MAP2K6: variants seen among roughly 807,000 people sequenced by gnomAD.
MAP2K6 encodes dual specificity mitogen-activated protein kinase kinase 6.
Under a neutral mutation model 53.7 loss-of-function variants are expected in MAP2K6, and 16 were observed. The ratio of observed to expected loss-of-function variants is 0.30; its 90% CI spans 0.20 to 0.45. MAP2K6 has a LOEUF of 0.45. MAP2K6 is among the 20% of genes least tolerant of loss of function. The pLI is 1.00. For missense variants in MAP2K6, 204 were observed against 411.9 expected (o/e 0.50, Z 4.37); for synonymous variants, 132 against 143.1 (o/e 0.92, Z 0.55).
At chr17:69,519,158 A>G (rs1910334336) in intron 4 of MAP2K6, among the ~76,000 whole-genome samples, 155 bp from the exon 5 acceptor site, 1 of 152,212 alleles carries the variant, frequency 6.6e-6, no homozygotes, top group Non-Finnish European at 1.5e-5. Context: ...CCTTATTTTC[A>G]TGTGTTACAA....
chr17:69,429,385 G>A (rs1378818682), intron 1 of MAP2K6, among the ~76,000 whole-genome samples: 1 of 151,832 alleles, frequency 6.6e-6, no homozygotes, highest in African/African-American at 2.4e-5. Context: ...AGGAGTTCAA[G>A]TTTGCAGTGA....
chr17:69,429,603 G>A (rs1906390719), intron 1 of MAP2K6, among the ~76,000 whole-genome samples: 1 of 152,164 alleles, frequency 6.6e-6, no homozygotes, highest in South Asian at 2.1e-4. Context: ...ATATTTCCTA[G>A]AGCTAATATG....
chr17:69,468,503 T>G (rs1013209015), intron 1 of MAP2K6, among the ~76,000 whole-genome samples: 2 of 152,216 alleles, frequency 1.3e-5, no homozygotes, highest in Admixed American at 1.3e-4. Flanking sequence ...CAAACATAAC[T>G]AATGTGTTTA....
chr17:69,535,356 G>C (rs1911300412), intron 10 of MAP2K6, among the ~76,000 whole-genome samples: 1 of 152,182 alleles, frequency 6.6e-6, no homozygotes, highest in Non-Finnish European at 1.5e-5. Context: ...TCTTTGGAAG[G>C]CTGAGGCAGG....
intron 1 of MAP2K6, among the ~76,000 whole-genome samples, chr17:69,479,352 C>T (rs373464092): frequency 1.8e-4 from 28 of 152,240 alleles, no homozygotes; most frequent in African/African-American, 6.5e-4. Context: ...AAAAATGCCA[C>T]ACTCGGGTAC....
intron 2 of MAP2K6, among the ~76,000 whole-genome samples, chr17:69,508,041 GTTTTTTTTTTTTTTT>G (rs71144698): frequency 2.2e-5 from 1 of 44,874 alleles, no homozygotes; most frequent in Admixed American, 4.2e-4. Flanking sequence ...TATATATGTA[GTTTTTTTTTTTTTTT>G]TTTTTTTTTT....
At chr17:69,473,280 C>T (rs777992883) in intron 1 of MAP2K6, among the ~76,000 whole-genome samples, 1 of 151,932 alleles carries the variant, frequency 6.6e-6, no homozygotes. Context: ...AAAAAGTTTA[C>T]AAAAATAGGA....
intron 11 of MAP2K6, among the ~76,000 whole-genome samples, chr17:69,537,715 C>G (rs1911425716): frequency 6.6e-6 from 1 of 152,192 alleles, no homozygotes; most frequent in Admixed American, 6.5e-5. Context: ...CATTGGGCCT[C>G]CATTGGGTGC....
intron 1 of MAP2K6, among the ~76,000 whole-genome samples, chr17:69,471,630 A>G (rs942710901): frequency 2.0e-5 from 3 of 152,246 alleles, no homozygotes; most frequent in Non-Finnish European, 4.4e-5. Flanking sequence ...CAATACACCT[A>G]TGTAACAAAC....
At chr17:69,504,457 A>G (rs1207001232) in intron 1 of MAP2K6, 1 of 152,066 alleles carries the variant, frequency 6.6e-6, no homozygotes. Flanking sequence ...TTGTATTTTT[A>G]GTAGAGACAG....
At chr17:69,444,105 T>G (rs931787416) in intron 1 of MAP2K6, among the ~76,000 whole-genome samples, 2 of 152,152 alleles carry the variant, frequency 1.3e-5, no homozygotes, top group African/African-American at 4.8e-5. Context: ...AAGGTCTGAG[T>G]AGGGTTGGTC....
chr17:69,534,019 T>C (rs1424231161), intron 10 of MAP2K6, among the ~76,000 whole-genome samples: 1 of 152,182 alleles, frequency 6.6e-6, no homozygotes, highest in East Asian at 1.9e-4. Context: ...TCTGCACTCA[T>C]GACATTTTGG....
At chr17:69,436,848 G>C (rs980347768) in intron 1 of MAP2K6, among the ~76,000 whole-genome samples, 1 of 146,682 alleles carries the variant, frequency 6.8e-6, no homozygotes, top group African/African-American at 2.5e-5. Context: ...TTTAGACACT[G>C]TCTCACTCTG....
intron 1 of MAP2K6, among the ~76,000 whole-genome samples, chr17:69,444,033 A>G (rs912929094): frequency 1.3e-5 from 2 of 152,216 alleles, no homozygotes; most frequent in African/African-American, 4.8e-5. Context: ...CTAGATTTTT[A>G]AAGATTATTT....
At chr17:69,441,332 C>T (rs1472934738) in intron 1 of MAP2K6, among the ~76,000 whole-genome samples, 1 of 151,982 alleles carries the variant, frequency 6.6e-6, no homozygotes, top group Non-Finnish European at 1.5e-5. Context: ...TATTTTCTCT[C>T]TATTTTTCAA....
At chr17:69,454,301 A>G (rs1283426729) in intron 1 of MAP2K6, among the ~76,000 whole-genome samples, 1 of 152,228 alleles carries the variant, frequency 6.6e-6, no homozygotes, top group East Asian at 1.9e-4. Flanking sequence ...TTACCAGAGA[A>G]AATGATCAGG....
In MAP2K6 at chr17:69,541,720, G is replaced by A. The variant is rs778240123; in HGVS notation, c.972G>A (p.Val324=). 5 of 1,612,650 alleles carry A rather than the reference G, an allele frequency of 3.1e-6. No individual in the cohort carries two copies. The South Asian group carries it at 4.4e-5, about 14-fold the overall frequency. The stretch of plus-strand genomic sequence containing the variant: ...TACATGAATCCAAAGGAACAGATGT[G>A]GCATCTTTTGTAAAACTGATTCTTG... The part of the protein sequence containing the change: ...FTLHESKGTD[V]ASFVKLILGD The change falls in exon 12 of 12, where the codon GTG becomes GTA. Residue 324 remains valine, a synonymous_variant. Transcript: ENST00000590474.
intron 1 of MAP2K6, among the ~76,000 whole-genome samples, chr17:69,436,779 A>AT (rs1398613295): frequency 1.3e-5 from 2 of 150,500 alleles, no homozygotes; most frequent in Non-Finnish European, 3.0e-5. Flanking sequence ...TTTGCATATA[A>AT]TTTTTTTCTC....
Position 69,548,092 on chromosome 17 carries a change from A to T in MAP2K6, c.*6339A>T, listed in dbSNP as rs753328854. 3.3e-5 allele frequency: 5 copies of T among 152,190 alleles called. No individual in the cohort carries two copies. The highest frequency in any genetic ancestry group is 7.2e-5 in the African/African-American group (3 of 41,448). 9.4% of individuals were successfully genotyped at this position (152,190 alleles called of 1,614,324 possible). On this transcript the variant is annotated 3_prime_UTR_variant, in exon 12 of 12. Coordinates refer to ENST00000590474, the MANE Select transcript of MAP2K6 (RefSeq NM_002758.4). ...GTTTGAAGTCACAAAATTTGTTCTC[A>T]GGTGTTCTTAAAGCTCCCTGTTCTC... is the stretch of plus-strand genomic sequence containing the variant.
Sources: gnomAD v4.1 joint callset for allele counts (sites outside exome capture counted in the v4.1 genomes callset) on GRCh38, gnomAD v4.1.1 for gene constraint, MANE v1.5 for transcripts, NCBI Gene and HGNC (gene_info 2026-07-23, HGNC 2026-07-21) for gene names.